Variants in TET1 observed in about 807,000 individuals in gnomAD.
The protein encoded by TET1 is tet methylcytosine dioxygenase 1.
Under a neutral mutation model 148.7 loss-of-function variants are expected in TET1, and 13 were observed. The observed-to-expected ratio is 0.09, with a 90% CI of 0.06 to 0.14. The LOEUF is 0.14. Ranked by LOEUF, TET1 falls within the 10% of genes least tolerant of loss-of-function variation. The pLI, the probability that TET1 is intolerant of heterozygous loss-of-function variation, is 1.00. For synonymous variants in TET1, 907 were observed against 937.2 expected, an observed-to-expected ratio of 0.97 and a Z score of 0.59; for missense variants, 2,182 against 2,553.8, an observed-to-expected ratio of 0.85 and a Z score of 3.14.
chr10:68,671,932 T>C lies in TET1; in HGVS notation c.4674-963T>C, dbSNP rs142359463. ...CTATTTTTTGTACTTTTAGTAGAGATGGGGTTTCCCCATGTTGGTCAGGGT... is the reference window on the plus strand; with the variant it reads ...CTATTTTTTGTACTTTTAGTAGAGACGGGGTTTCCCCATGTTGGTCAGGGT... On this transcript the variant is annotated intron_variant, in intron 7 of 11. Transcript: ENST00000373644. 4.2e-4 allele frequency among the ~76,000 whole-genome samples: 64 copies of C among 152,234 alleles called. No individual in the cohort carries two copies. The East Asian group carries it at 8.3e-3, about 20-fold the overall frequency.
At chr10:68,606,931 T>G (rs931368292) in intron 3 of TET1, among the ~76,000 whole-genome samples, 17 of 152,206 alleles carry the variant, frequency 1.1e-4, no homozygotes, top group African/African-American at 3.9e-4. Flanking sequence ...GGGCTTCGTT[T>G]GTATACCCAG....
rs777732424 is a variant in TET1, at chr10:68,573,065, T to A, written c.727T>A (p.Phe243Ile). 1 of 1,614,116 alleles carries A rather than the reference T, an allele frequency of 6.2e-7. No homozygotes were observed. The highest frequency in any genetic ancestry group is 8.5e-7 in the Non-Finnish European group (1 of 1,180,032). ...LNDTSGSPKM[F>I]AQDTVCAPFP... The stretch of plus-strand genomic sequence containing the variant: ...TGATACCAGTGGTTCCCCAAAAATG[T>A]TTGCTCAGGACACAGTGTGTGCTCC... The change falls in exon 2 of 12, where the codon TTT (phenylalanine) becomes ATT (isoleucine). Residue 243 changes from phenylalanine (F) to isoleucine (I), a missense_variant. By Grantham distance (21) the Phe-to-Ile change is conservative (BLOSUM62 0). This residue lies in a region of TET1 where 665 missense variants were observed against 672.4 expected (regional missense o/e 0.99). Coordinates refer to ENST00000373644, the MANE Select transcript of TET1 (RefSeq NM_030625.3).
rs557751211 is a variant in TET1 at position 68,665,133 on chromosome 10, T to C, written c.4462-1912T>C. On this transcript the variant is annotated intron_variant, in intron 6 of 11. Transcript: ENST00000373644. ...CATTTTAAAATGCTTTGCCCACTCC[T>C]AGGTCATGAAGATGTTTTCTTCTAA... Among the ~76,000 whole-genome samples the C allele has an allele frequency of 2.0e-5, 3 of 152,300 alleles. No homozygotes were observed. In the East Asian group the frequency reaches 5.8e-4, roughly 29 times the overall value.
chr10:68,614,561 G>C (rs191501100), intron 3 of TET1, among the ~76,000 whole-genome samples: 1 of 152,156 alleles, frequency 6.6e-6, no homozygotes, highest in Non-Finnish European at 1.5e-5. Context: ...ATCCAGGGTG[G>C]AGTGTGGTGG....
chr10:68,613,632 C>T (rs1564968441), intron 3 of TET1, among the ~76,000 whole-genome samples: 1 of 151,950 alleles, frequency 6.6e-6, no homozygotes, highest in Non-Finnish European at 1.5e-5. Flanking sequence ...AATGGGGAAG[C>T]ACTCACAAAA....
At chr10:68,587,190 A>G (rs1234075790) in intron 2 of TET1, among the ~76,000 whole-genome samples, 1 of 152,154 alleles carries the variant, frequency 6.6e-6, no homozygotes, top group Non-Finnish European at 1.5e-5. Flanking sequence ...TGTGTTCTAG[A>G]CAGTTACACT....
At chr10:68,671,623 T>A (rs1291459552) in intron 7 of TET1, among the ~76,000 whole-genome samples, 2 of 152,258 alleles carry the variant, frequency 1.3e-5, no homozygotes, top group Non-Finnish European at 2.9e-5. Context: ...TATGGTACTT[T>A]CGTTGTCATT....
intron 6 of TET1, among the ~76,000 whole-genome samples, chr10:68,663,893 G>T (rs186108141): frequency 3.3e-5 from 5 of 151,972 alleles, no homozygotes; most frequent in Admixed American, 2.0e-4. Flanking sequence ...GCTTTGAGCT[G>T]CTTCTGTCCA....
chr10:68,642,147 T>C (rs750962019), intron 3 of TET1, among the ~76,000 whole-genome samples: 1 of 152,208 alleles, frequency 6.6e-6, no homozygotes, highest in Non-Finnish European at 1.5e-5. Flanking sequence ...ATGAGCTGTT[T>C]CAAGGTTTTA....
intron 3 of TET1, among the ~76,000 whole-genome samples, chr10:68,602,936 C>A (rs539369483): frequency 2.6e-5 from 4 of 152,126 alleles, no homozygotes; most frequent in African/African-American, 9.6e-5. Flanking sequence ...CTAAAAAAAA[C>A]TTTCAGATTT....
At chr10:68,624,634 TTCTTTCTTTCTTTCTTTCTTTCTTTC>T (rs1482214318) in intron 3 of TET1, among the ~76,000 whole-genome samples, 22 of 46,028 alleles carry the variant, frequency 4.8e-4, no homozygotes, top group African/African-American at 2.1e-3. Flanking sequence ...CTTTCTTTCT[TTCTTTCTTTCTTTCTTTCTTTCTTTC>T]TCTCTCTCTC....
At chr10:68,620,560 G>T (rs1245722004) in intron 3 of TET1, among the ~76,000 whole-genome samples, 1 of 151,952 alleles carries the variant, frequency 6.6e-6, no homozygotes, top group Non-Finnish European at 1.5e-5. Context: ...TCCTCCAGTT[G>T]TTGGCCATTT....
At chr10:68,654,106 CAA>C (rs66890965) in intron 6 of TET1, among the ~76,000 whole-genome samples, 74 of 84,994 alleles carry the variant, frequency 8.7e-4, no homozygotes, top group African/African-American at 2.9e-3. Flanking sequence ...AAAATGTCTC[CAA>C]AAAAAAAAAA....
chr10:68,602,234 A>G (rs1288710142), intron 3 of TET1, among the ~76,000 whole-genome samples: 1 of 152,378 alleles, frequency 6.6e-6, no homozygotes, highest in South Asian at 2.1e-4. Flanking sequence ...GACAAATAGA[A>G]TCATGGTTAT....
chr10:68,671,060 A>G (rs2096102328), intron 7 of TET1, among the ~76,000 whole-genome samples: 1 of 151,594 alleles, frequency 6.6e-6, no homozygotes, highest in African/African-American at 2.4e-5. Context: ...TTTAACTTTC[A>G]TTTTAGGTTC....
chr10:68,675,275 A>G (rs892836641), intron 8 of TET1, among the ~76,000 whole-genome samples: 2 of 152,224 alleles, frequency 1.3e-5, no homozygotes, highest in Non-Finnish European at 2.9e-5. Flanking sequence ...ACTCATACTT[A>G]CTTGTAACAT....
Position 68,692,751 on chromosome 10 carries a change from CTCT to C in TET1, c.*942_*944del. 1 of 230,820 alleles carries C rather than the reference CTCT, an allele frequency of 4.3e-6. No homozygotes were observed. The highest frequency in any genetic ancestry group is 6.2e-5 in the East Asian group (1 of 16,110). 14.3% of individuals were successfully genotyped at this position (230,820 alleles called of 1,614,324 possible). A position where few individuals can be genotyped will look rare whatever the true frequency, so the allele number is the denominator to read the frequency against. On this transcript the variant is annotated 3_prime_UTR_variant, in exon 12 of 12. Transcript: ENST00000373644. The stretch of plus-strand genomic sequence containing the variant: ...CTCTTTGGAACTAGGTAAGAGTGGT[CTCT>C]TCTTATTGAACAACCTCAATTTAGT...
At chr10:68,629,411 A>G (rs922502990) in intron 3 of TET1, among the ~76,000 whole-genome samples, 13 of 152,074 alleles carry the variant, frequency 8.5e-5, no homozygotes, top group Non-Finnish European at 1.6e-4. Context: ...TCAAATTGAG[A>G]TGTATTAATT....
In TET1 at chr10:68,569,166, C is replaced by CTTTT. The variant is rs34385747; in HGVS notation, c.-122-3030_-122-3027dup. Among the ~76,000 whole-genome samples the CTTTT allele has an allele frequency of 4.0e-3, 276 of 69,778 alleles. 17 individuals are homozygous for CTTTT. The highest frequency in any genetic ancestry group is 0.012 in the African/African-American group (215 of 17,404). 45.8% of individuals were successfully genotyped at this position (69,778 alleles called of 152,430 possible). ...GCTGGATCTCCAGGCAGGAGAGTTT[C>CTTTT]TTTTTTTTTTTTTTTTTTTTTTTTG... On this transcript the variant is annotated intron_variant, in intron 1 of 11. Coordinates refer to ENST00000373644, the MANE Select transcript of TET1 (RefSeq NM_030625.3).
Sources: allele counts gnomAD v4.1 joint callset (sites outside exome capture counted in the v4.1 genomes callset), GRCh38; gene constraint gnomAD v4.1.1; regional missense constraint gnomAD v4.1.1; transcripts MANE v1.5; gene names NCBI Gene and HGNC (gene_info 2026-07-23, HGNC 2026-07-21).